Variants in MIER1 observed in about 807,000 individuals in gnomAD.
MIER1 encodes the protein MIER1 transcriptional regulator.
Under a neutral mutation model 75.7 loss-of-function variants are expected in MIER1, and 40 were observed. The observed-to-expected ratio is 0.53, with a 90% CI of 0.41 to 0.69. MIER1 has a LOEUF of 0.69. Ranked by LOEUF, MIER1 falls within the 30% of genes least tolerant of loss-of-function variation. The pLI is 0.00. For missense variants in MIER1, 574 were observed against 680.2 expected (o/e 0.84, Z 1.74); for synonymous variants, 213 against 223.4 (o/e 0.95, Z 0.42).
At chr1:66,982,380 C>T (rs543686842) in intron 13 of MIER1, among the ~76,000 whole-genome samples, 145 of 152,168 alleles carry the variant, frequency 9.5e-4, no homozygotes, top group African/African-American at 3.4e-3. Flanking sequence ...AAGATAAAGC[C>T]GGTATCAACC....
intron 2 of MIER1, among the ~76,000 whole-genome samples, chr1:66,930,691 G>T (rs915731633): frequency 2.0e-5 from 3 of 152,106 alleles, no homozygotes; most frequent in African/African-American, 7.2e-5. Flanking sequence ...GGGAAGGGGT[G>T]CCTGTGGCGC....
rs1186438982 is a variant in MIER1 at position 66,971,555 on chromosome 1, A to G, written c.925-100A>G. 5 of 643,992 alleles carry G rather than the reference A, an allele frequency of 7.8e-6. No individual in the cohort carries two copies. In the East Asian group the frequency reaches 8.7e-5, roughly 11 times the overall value. The allele number at this position is 643,992 out of a possible 1,614,324, so 39.9% of individuals were successfully genotyped here. On this transcript the variant is annotated intron_variant, in intron 9 of 13. Transcript: ENST00000401041. ...CATTCACTAAAGTTATTTGCCCTCA[A>G]AAAGGATGAAAACACTGGATGTTTG... is the stretch of plus-strand genomic sequence containing the variant.
In MIER1 at chr1:66,971,686, A is replaced by T; in HGVS notation, c.956A>T (p.Asp319Val). The part of the protein sequence containing the change: ...ALYELVKCNF[D>V]TEEALRRLRF... ...TATGAATTGGTTAAATGCAATTTTG[A>T]TACAGAAGAAGCATTGAGAAGATTA... Residue 319 changes from aspartate (D) to valine (V), a missense_variant, in exon 10 of 14, where the codon GAT becomes GTT. Coordinates refer to ENST00000401041, the MANE Select transcript of MIER1 (RefSeq NM_001077700.3). The T allele has an allele frequency of 1.3e-6, 2 of 1,515,458 alleles. No homozygotes were observed. The highest frequency in any genetic ancestry group is 1.8e-6 in the Non-Finnish European group (2 of 1,098,716). 93.9% of individuals were successfully genotyped at this position (1,515,458 alleles called of 1,614,324 possible). A position where few individuals can be genotyped will look rare whatever the true frequency, so the allele number is the denominator to read the frequency against.
chr1:66,952,577 A>C (rs1221559361), intron 4 of MIER1, among the ~76,000 whole-genome samples: 1 of 152,148 alleles, frequency 6.6e-6, no homozygotes, highest in Non-Finnish European at 1.5e-5. Context: ...GGAGGGATAT[A>C]TCTGCTCCCA....
chr1:66,934,706 T>G (rs1451570962), intron 2 of MIER1, among the ~76,000 whole-genome samples: 1 of 152,136 alleles, frequency 6.6e-6, no homozygotes, highest in Non-Finnish European at 1.5e-5. Context: ...TTATTTTCTA[T>G]GATATCATTT....
intron 4 of MIER1, among the ~76,000 whole-genome samples, chr1:66,952,197 C>T (rs1020620044): frequency 5.9e-5 from 9 of 152,228 alleles, no homozygotes; most frequent in African/African-American, 1.4e-4. Context: ...TTAACACTTA[C>T]GTGAATGGGA....
chr1:66,925,766 A>G (rs995448673), intron 1 of MIER1, among the ~76,000 whole-genome samples: 10 of 152,100 alleles, frequency 6.6e-5, no homozygotes, highest in African/African-American at 1.7e-4. Flanking sequence ...GCGAGTCACT[A>G]TCCCTCTCTG....
chr1:66,933,233 G>A (rs2985818), intron 2 of MIER1, among the ~76,000 whole-genome samples: 118,941 of 152,076 alleles, frequency 0.78, 46,859 homozygotes, highest in East Asian at 0.88. Context: ...GAGAAAAAAT[G>A]AGAGGAAGAA....
chr1:66,945,289 A>ATATATATATATATATATATATATATATG (rs1657282266), intron 3 of MIER1, among the ~76,000 whole-genome samples: 1 of 7,576 alleles, frequency 1.3e-4, no homozygotes, highest in African/African-American at 5.3e-4. Flanking sequence ...ATATATATAT[A>ATATATATATATATATATATATATATATG]TATATATATA....
chr1:66,938,975 G>GT (rs766784636), intron 2 of MIER1, among the ~76,000 whole-genome samples: 12 of 152,090 alleles, frequency 7.9e-5, no homozygotes, highest in Non-Finnish European at 1.8e-4. Flanking sequence ...TAGACACATT[G>GT]TTTTTGAAAA....
At chr1:66,948,529 A>G (rs535227687) in intron 4 of MIER1, among the ~76,000 whole-genome samples, 6 of 152,334 alleles carry the variant, frequency 3.9e-5, no homozygotes, top group African/African-American at 1.4e-4. Flanking sequence ...TTAATCCACA[A>G]TGTCTGAATA....
intron 1 of MIER1, 104 bp downstream of exon 1, chr1:66,925,199 G>C (rs953984952): frequency 7.0e-6 from 10 of 1,437,286 alleles, no homozygotes; most frequent in Non-Finnish European, 9.1e-6. Context: ...CCTCCCCCAC[G>C]GCAGTGTACC....
In MIER1 at chr1:66,932,816, A is replaced by G. The variant is rs553363388; in HGVS notation, c.168+6574A>G. On this transcript the variant is annotated intron_variant, in intron 2 of 13. Coordinates refer to ENST00000401041, the MANE Select transcript of MIER1 (RefSeq NM_001077700.3). ...TTATTGAAGAAGTATGTCTCCAGAGAAAAATGTAGGTATTATGCTTCTGGG... is the reference window on the plus strand; with the variant it reads ...TTATTGAAGAAGTATGTCTCCAGAGGAAAATGTAGGTATTATGCTTCTGGG... 1.6e-4 allele frequency: 25 copies of G among 152,214 alleles called. No homozygotes were observed. The South Asian group carries it at 5.2e-3, about 32-fold the overall frequency. 9.4% of individuals were successfully genotyped at this position (152,214 alleles called of 1,614,324 possible). A position where few individuals can be genotyped will look rare whatever the true frequency, so the allele number is the denominator to read the frequency against.
Position 66,926,135 on chromosome 1 carries a change from G to C in MIER1, c.68-7G>C, listed in dbSNP as rs556519918. 6.2e-7 allele frequency: 1 copy of C among 1,612,052 alleles called. No individual in the cohort carries two copies. The highest frequency in any genetic ancestry group is 1.1e-5 in the South Asian group (1 of 91,022). On this transcript the variant is annotated splice_region_variant and splice_polypyrimidine_tract_variant and intron_variant, in intron 1 of 13. Transcript: ENST00000401041. ...TTGCTACTGAGGCTCTCTTTCCTTT[G>C]ATCCAGATGGTGTGGTCGCTCGATT...
Position 66,987,830 on chromosome 1 carries a change from TG to T in MIER1, c.*2932del, listed in dbSNP as rs1666973197. Reference sequence around the variant, plus strand: ...ATTGCACTACTTTTTCAGTGGTTCTTGGTCCCCTTTACCACATCTTGGGTGA... The same window carrying T: ...ATTGCACTACTTTTTCAGTGGTTCTTGTCCCCTTTACCACATCTTGGGTGA... On this transcript the variant is annotated 3_prime_UTR_variant, in exon 14 of 14. Coordinates refer to ENST00000401041, the MANE Select transcript of MIER1 (RefSeq NM_001077700.3). 6.6e-6 allele frequency: 1 copy of T among 152,282 alleles called. No homozygotes were observed. The highest frequency in any genetic ancestry group is 2.4e-5 in the African/African-American group (1 of 41,452). 9.4% of individuals were successfully genotyped at this position (152,282 alleles called of 1,614,324 possible).
rs940669121 is a variant in MIER1, at chr1:66,960,997, G to GT, written c.699+1264dup. Among the ~76,000 whole-genome samples, 93 of 148,426 alleles carry GT rather than the reference G, an allele frequency of 6.3e-4. No homozygotes were observed. In the East Asian group the frequency reaches 0.012, roughly 20 times the overall value. The stretch of plus-strand genomic sequence containing the variant: ...TAGAGTATTTGATTAAGCATTCAGT[G>GT]TTTTTTTTTTAAATGAAAGAACAAA... On this transcript the variant is annotated intron_variant, in intron 7 of 13. Transcript: ENST00000401041.
chr1:66,953,058 A>C (rs1001496196), intron 4 of MIER1, among the ~76,000 whole-genome samples: 6 of 152,254 alleles, frequency 3.9e-5, no homozygotes, highest in Non-Finnish European at 8.8e-5. Context: ...ATAAAACTCC[A>C]GAAACAAAGT....
At chr1:66,943,001 G>A (rs1252836648) in intron 3 of MIER1, among the ~76,000 whole-genome samples, 1 of 152,128 alleles carries the variant, frequency 6.6e-6, no homozygotes, top group East Asian at 1.9e-4. Context: ...AATTATTTTT[G>A]ATAATACCTG....
chr1:66,944,134 T>C (rs968460039), intron 3 of MIER1, among the ~76,000 whole-genome samples: 2 of 151,594 alleles, frequency 1.3e-5, no homozygotes, highest in African/African-American at 2.4e-5. Flanking sequence ...TTTTGAAAAT[T>C]ATTGTGAGTA....
Sources: gnomAD v4.1 joint callset for allele counts (sites outside exome capture counted in the v4.1 genomes callset) on GRCh38, gnomAD v4.1.1 for gene constraint, MANE v1.5 for transcripts, NCBI Gene and HGNC (gene_info 2026-07-23, HGNC 2026-07-21) for gene names.